SFSWAP: variants seen among roughly 807,000 people sequenced by gnomAD.
SFSWAP encodes splicing factor, suppressor of white-apricot homolog.
A neutral mutation model predicts 100.7 loss-of-function variants in SFSWAP; 17 were observed. That is an observed-to-expected ratio of 0.17 (90% confidence interval 0.12 to 0.25). The LOEUF (loss-of-function observed/expected upper bound fraction) is 0.25. Among genes scored for constraint, SFSWAP ranks in the 10% least tolerant of loss-of-function variants. The probability of loss-of-function intolerance (pLI) is 1.00; values close to 1 mark genes in which losing one functional copy is unlikely to be tolerated. For synonymous variants in SFSWAP, 504 were observed against 510.1 expected (o/e 0.99, Z 0.16); for missense variants, 1,005 against 1,262.6 (o/e 0.80, Z 3.09).
rs68047235 is a variant in SFSWAP at position 131,783,792 on chromosome 12, T to TTATATATATATATATATATATATA, written c.2409-2664_2409-2641dup. The TTATATATATATATATATATATATA allele has an allele frequency of 6.5e-3, 564 of 86,470 alleles. 12 individuals carry two copies. The highest frequency in any genetic ancestry group is 9.7e-3 in the Non-Finnish European group (409 of 42,082). 5.4% of individuals were successfully genotyped at this position (86,470 alleles called of 1,614,324 possible). A position where few individuals can be genotyped will look rare whatever the true frequency, so the allele number is the denominator to read the frequency against. On this transcript the variant is annotated intron_variant, in intron 14 of 17. Transcript: ENST00000261674. ...AGACTCCGTCTCAAAAAAAAACATT[T>TTATATATATATATATATATATATA]TATATATATATATATATATATATAT...
rs150732930 is a variant in SFSWAP, at chr12:131,756,544, C to T, written c.1620C>T (p.Gly540=). The T allele has an allele frequency of 3.2e-5, 52 of 1,613,742 alleles. No homozygotes were observed. In the African/African-American group the frequency reaches 5.2e-4, roughly 16 times the overall value. The change falls in exon 11 of 18, where the codon GGC becomes GGT. Residue 540 remains glycine, a synonymous_variant. Transcript: ENST00000261674. ...AGCCAAGTGATGCTGGGGAGGATGG[C>T]GCGCCTGAAGACGCAGCCGAGGTGG... The part of the protein sequence containing the change: ...PEKPSDAGED[G]APEDAAEVGA...
chr12:131,794,294 G>A lies in SFSWAP; in HGVS notation c.2535-2884G>A, dbSNP rs1885477043. Among the ~76,000 whole-genome samples the A allele has an allele frequency of 3.3e-5, 5 of 151,782 alleles. No individual in the cohort carries two copies. The highest frequency in any genetic ancestry group is 2.6e-4 in the Admixed American group (4 of 15,248). ...TCACACCTGTGATCCCAGCACTTTG[G>A]GAGGCCAAGGCAGGAGGATTGCTTG... is the stretch of plus-strand genomic sequence containing the variant. On this transcript the variant is annotated intron_variant, in intron 15 of 17. Coordinates refer to ENST00000261674, the MANE Select transcript of SFSWAP (RefSeq NM_004592.4). The surrounding 1 kb of genome is among the most constrained non-coding windows in gnomAD (Gnocchi z 4.8).
rs780722868 is a variant in SFSWAP, at chr12:131,766,105, TTTATTCC to T, written c.1952-9_1952-3del. On this transcript the variant is annotated splice_region_variant and splice_polypyrimidine_tract_variant and intron_variant, in intron 12 of 17. Coordinates refer to ENST00000261674, the MANE Select transcript of SFSWAP (RefSeq NM_004592.4). ...GCTCTAAACTTCTCTTTTTTCTTTG[TTTATTCC>T]TTAAGCAAAGCAAAAGCTGGAAGAT... 20 of 1,590,628 alleles carry T rather than the reference TTTATTCC, an allele frequency of 1.3e-5. No homozygotes were observed. The highest frequency in any genetic ancestry group is 1.5e-5 in the Non-Finnish European group (17 of 1,172,124).
At chr12:131,784,995 A>T in intron 14 of SFSWAP, 4 of 1,190,370 alleles carry the variant, frequency 3.4e-6, no homozygotes, top group Non-Finnish European at 4.5e-6. Flanking sequence ...GAATAAGCAG[A>T]GCTTTTTTCA....
chr12:131,750,123 C>T (rs1881489320), intron 7 of SFSWAP, among the ~76,000 whole-genome samples: 1 of 152,192 alleles, frequency 6.6e-6, no homozygotes, highest in African/African-American at 2.4e-5. Flanking sequence ...TGCCTCCCAC[C>T]AGGGCCACAG....
Position 131,734,922 on chromosome 12 carries a change from GA to G in SFSWAP, c.1081+6495del, listed in dbSNP as rs1390976363. On this transcript the variant is annotated intron_variant, in intron 7 of 17. Coordinates refer to ENST00000261674, the MANE Select transcript of SFSWAP (RefSeq NM_004592.4). The surrounding 1 kb of genome is among the most constrained non-coding windows in gnomAD (Gnocchi z 4.9). ...GCGCATGGGGGTGGGGTGGGGCAGT[GA>G]GGGGGGGCCCGCTCCGAGAGACAGA... 6.6e-6 allele frequency among the ~76,000 whole-genome samples: 1 copy of G among 151,308 alleles called. No individual in the cohort carries two copies. The highest frequency in any genetic ancestry group is 2.4e-5 in the African/African-American group (1 of 40,876).
At chr12:131,755,776 T>C (rs1049817654) in intron 10 of SFSWAP, among the ~76,000 whole-genome samples, 19 of 152,260 alleles carry the variant, frequency 1.2e-4, no homozygotes, top group African/African-American at 4.1e-4. Context: ...CTACAGTTAC[T>C]AGCTACCTTT....
intron 13 of SFSWAP, among the ~76,000 whole-genome samples, chr12:131,767,751 A>G (rs955075660): frequency 3.9e-5 from 6 of 152,162 alleles, no homozygotes; most frequent in East Asian, 3.9e-4. Context: ...CAGACACCAC[A>G]TGTTCTCGCT....
chr12:131,722,393 CTCTACA>C (rs1161276032), intron 4 of SFSWAP, among the ~76,000 whole-genome samples: 3 of 152,094 alleles, frequency 2.0e-5, no homozygotes, highest in African/African-American at 7.2e-5. Context: ...GAGATCCTGT[CTCTACA>C]AACAAGTAAA....
In SFSWAP at chr12:131,775,284, C is replaced by T. The variant is rs138408177; in HGVS notation, c.2143-2781C>T. On this transcript the variant is annotated intron_variant, in intron 13 of 17. Transcript: ENST00000261674. ...AGGGTGGAGTATGTGTCTCAGCTCTCCTTCTCTTCAGCTCTCTCTTTGTTT... is the reference window on the plus strand; with the variant it reads ...AGGGTGGAGTATGTGTCTCAGCTCTTCTTCTCTTCAGCTCTCTCTTTGTTT... Among the ~76,000 whole-genome samples, 753 of 152,314 alleles carry T rather than the reference C, an allele frequency of 4.9e-3. 7 individuals are homozygous for T. Among genetic ancestry groups the T allele is most frequent in the African/African-American group, 0.015 (643 of 41,548 alleles).
chr12:131,755,539 C>T (rs1472628292), intron 10 of SFSWAP, 60 bp downstream of exon 10: 4 of 1,210,852 alleles, frequency 3.3e-6, no homozygotes, highest in Non-Finnish European at 4.8e-6. Flanking sequence ...CCTTCCAGAT[C>T]AGAAGTCGCT....
chr12:131,753,301 A>G lies in SFSWAP; in HGVS notation c.1260A>G (p.Pro420=), dbSNP rs1881836863. The change falls in exon 8 of 18, where the codon CCA becomes CCG. Residue 420 remains proline (P), a synonymous_variant. Coordinates refer to ENST00000261674, the MANE Select transcript of SFSWAP (RefSeq NM_004592.4). ...TTAPPPPGTT[P]LPPPTTAETS... is the part of the protein sequence containing the mutation. ...CCCCACCACCTCCTGGGACCACACC[A>G]CTACCGCCCCCAACCACAGCAGAGA... 6.2e-7 allele frequency: 1 copy of G among 1,611,192 alleles called. No homozygotes were observed. The highest frequency in any genetic ancestry group is 1.7e-5 in the Admixed American group (1 of 59,960).
Position 131,786,468 on chromosome 12 carries a change from G to T in SFSWAP, c.2414G>T (p.Arg805Leu), listed in dbSNP as rs757852049. The T allele has an allele frequency of 1.3e-6, 2 of 1,586,564 alleles. No individual in the cohort carries two copies. The highest frequency in any genetic ancestry group is 2.3e-5 in the South Asian group (2 of 87,082). The change falls in exon 15 of 18, where the codon CGC (arginine) becomes CTC (leucine). Residue 805 changes from arginine to leucine, a missense_variant. Coordinates refer to ENST00000261674, the MANE Select transcript of SFSWAP (RefSeq NM_004592.4). ...CTGCCTCCTCCCCTGTCCAGGTCCC[G>T]CTCCCGGTCCCCTCGGAGGAGAGCC... The part of the protein sequence containing the change: ...AYRTVRRSRS[R>L]SRSPRRRAHS...
chr12:131,788,361 G>A (rs1425394068), intron 15 of SFSWAP, among the ~76,000 whole-genome samples: 1 of 152,160 alleles, frequency 6.6e-6, no homozygotes, highest in South Asian at 2.1e-4. Context: ...CAGACAGACG[G>A]AATTAAACCT....
chr12:131,750,863 T>A (rs1372372497), intron 7 of SFSWAP, among the ~76,000 whole-genome samples: 2 of 150,644 alleles, frequency 1.3e-5, no homozygotes, highest in African/African-American at 4.8e-5. Context: ...TAGTTTATTT[T>A]ATTTTATTTT....
At chr12:131,751,919 T>C (rs569845308) in intron 7 of SFSWAP, among the ~76,000 whole-genome samples, 7 of 152,362 alleles carry the variant, frequency 4.6e-5, no homozygotes, top group Non-Finnish European at 1.0e-4. Context: ...TTATCTTATT[T>C]TGAAAATTTG....
Position 131,761,007 on chromosome 12 carries a change from A to G in SFSWAP, c.1721-3449A>G, listed in dbSNP as rs150590407. Among the ~76,000 whole-genome samples the G allele has an allele frequency of 6.9e-3, 1,055 of 152,270 alleles. 14 individuals are homozygous for G. Among genetic ancestry groups the G allele is most frequent in the African/African-American group, 0.024 (1,001 of 41,566 alleles). ...GAATCGCTTGAAACTGGAAGGTGGAAGTTGCAGTGAGCCTAGATCGCGCCA... is the reference window on the plus strand; with the variant it reads ...GAATCGCTTGAAACTGGAAGGTGGAGGTTGCAGTGAGCCTAGATCGCGCCA... On this transcript the variant is annotated intron_variant, in intron 11 of 17. Transcript: ENST00000261674.
rs777610140 is a variant in SFSWAP at position 131,739,536 on chromosome 12, C to CTTT, written c.1081+11134_1081+11136dup. On this transcript the variant is annotated intron_variant, in intron 7 of 17. Transcript: ENST00000261674. ...TTTGCATTCTATTATTCCCCAGTTGCTTTTTTTTTTTTTTTTTTTTTTTTT... is the reference window on the plus strand; with the variant it reads ...TTTGCATTCTATTATTCCCCAGTTGCTTTTTTTTTTTTTTTTTTTTTTTTTTTT... Among the ~76,000 whole-genome samples, 12 of 60,880 alleles carry CTTT rather than the reference C, an allele frequency of 2.0e-4. 2 individuals carry two copies. The highest frequency in any genetic ancestry group is 2.6e-4 in the Non-Finnish European group (8 of 30,538). The allele number at this position is 60,880 out of a possible 152,430, so 39.9% of individuals were successfully genotyped here. A position where few individuals can be genotyped will look rare whatever the true frequency, so the allele number is the denominator to read the frequency against.
intron 14 of SFSWAP, 127 bp from the exon 15 acceptor site, chr12:131,786,336 C>G (rs1884885392): frequency 8.6e-7 from 1 of 1,168,834 alleles, no homozygotes; most frequent in Non-Finnish European, 1.2e-6. Flanking sequence ...GCCTCAGGGT[C>G]TACACAGGCA....
Sources: allele counts gnomAD v4.1 joint callset (sites outside exome capture counted in the v4.1 genomes callset), GRCh38; gene constraint gnomAD v4.1.1; non-coding constraint Gnocchi (gnomAD v3.1); transcripts MANE v1.5; gene names NCBI Gene and HGNC (gene_info 2026-07-23, HGNC 2026-07-21).